NCAM2: variants seen among roughly 807,000 people sequenced by gnomAD.
NCAM2 encodes the protein N-CAM-2.
NCAM2 carries 30 observed loss-of-function variants against 98.1 expected under a neutral mutation model. That is an observed-to-expected ratio of 0.31 (90% CI 0.23 to 0.41). NCAM2 has a LOEUF of 0.41. Ranked by LOEUF, NCAM2 falls within the 10% of genes least tolerant of loss-of-function variation. The probability of loss-of-function intolerance (pLI) is 1.00; values close to 1 mark genes in which losing one functional copy is unlikely to be tolerated. For missense variants in NCAM2, 867 were observed against 1,005.8 expected (o/e 0.86, Z 1.87); for synonymous variants, 368 against 342.4 (o/e 1.07, Z -0.83).
intron 1 of NCAM2, among the ~76,000 whole-genome samples, chr21:21,240,214 T>C (rs2071009648): frequency 1.3e-5 from 2 of 152,176 alleles, no homozygotes; most frequent in South Asian, 4.1e-4. Context: ...CAGATTTCTT[T>C]CAGCCATTTT....
chr21:21,316,066 G>A (rs2074211248), intron 5 of NCAM2, among the ~76,000 whole-genome samples: 1 of 152,134 alleles, frequency 6.6e-6, no homozygotes, highest in South Asian at 2.1e-4. Flanking sequence ...TCACTTCAGT[G>A]TGACTTTGAA....
chr21:21,171,595 A>G (rs1465299044), intron 1 of NCAM2, among the ~76,000 whole-genome samples: 2 of 152,166 alleles, frequency 1.3e-5, no homozygotes, highest in Non-Finnish European at 2.9e-5. Flanking sequence ...ACCACCCTTG[A>G]CTGCCACAGA....
chr21:21,503,712 A>T (rs1336328019), intron 15 of NCAM2, among the ~76,000 whole-genome samples: 1 of 151,966 alleles, frequency 6.6e-6, no homozygotes, highest in Non-Finnish European at 1.5e-5. Context: ...GAAAATTTGA[A>T]TGCAATTACA....
At chr21:21,137,179 ATG>A (rs1364710664) in intron 1 of NCAM2, among the ~76,000 whole-genome samples, 8 of 152,166 alleles carry the variant, frequency 5.3e-5, no homozygotes, top group Non-Finnish European at 1.2e-4. Flanking sequence ...ATATTATAAA[ATG>A]TGTTTAACAC....
At chr21:21,309,252 G>A (rs114561527) in intron 5 of NCAM2, among the ~76,000 whole-genome samples, 1,934 of 152,082 alleles carry the variant, frequency 0.013, 43 homozygotes, top group African/African-American at 0.045. Context: ...TGTTATAAAT[G>A]TTACCTCTTT....
At chr21:21,359,607 A>G (rs1023130184) in intron 8 of NCAM2, among the ~76,000 whole-genome samples, 4 of 151,950 alleles carry the variant, frequency 2.6e-5, no homozygotes, top group South Asian at 4.1e-4. Flanking sequence ...GTAGTTTACA[A>G]TTTTATGATA....
chr21:21,357,191 T>C (rs758523478), intron 8 of NCAM2, among the ~76,000 whole-genome samples: 8 of 152,096 alleles, frequency 5.3e-5, no homozygotes, highest in African/African-American at 1.7e-4. Context: ...GTCACAAATA[T>C]AGCTTTGGCA....
intron 1 of NCAM2, among the ~76,000 whole-genome samples, chr21:21,109,415 A>G (rs751186834): frequency 1.3e-5 from 2 of 152,202 alleles, no homozygotes; most frequent in Non-Finnish European, 2.9e-5. Context: ...ACAAATATAT[A>G]CACATACTAT....
At chr21:21,104,304 T>C (rs1378009546) in intron 1 of NCAM2, among the ~76,000 whole-genome samples, 3 of 152,170 alleles carry the variant, frequency 2.0e-5, no homozygotes, top group Non-Finnish European at 4.4e-5. Flanking sequence ...TAGTGTATTG[T>C]ATATATCTGC....
At chr21:21,205,589 G>A (rs1468476655) in intron 1 of NCAM2, among the ~76,000 whole-genome samples, 1 of 151,944 alleles carries the variant, frequency 6.6e-6, no homozygotes, top group African/African-American at 2.4e-5. Flanking sequence ...TAAATTATTT[G>A]TGTTTATATA....
rs912374740 is a variant in NCAM2, at chr21:21,422,229, C to T, written c.1480+3660C>T. ...CTCAAAAACAGAAATTCAAATACTG[C>T]ATGTTCTCACTTGTAAGTGGGAGCT... On this transcript the variant is annotated intron_variant, in intron 11 of 17. Coordinates refer to ENST00000400546, the MANE Select transcript of NCAM2 (RefSeq NM_004540.5). Among the ~76,000 whole-genome samples, 11 of 152,160 alleles carry T rather than the reference C, an allele frequency of 7.2e-5. No homozygotes were observed. In the East Asian group the frequency reaches 2.1e-3, roughly 29 times the overall value.
At chr21:21,306,462 A>G (rs1285732254) in intron 5 of NCAM2, among the ~76,000 whole-genome samples, 2 of 152,288 alleles carry the variant, frequency 1.3e-5, no homozygotes, top group Admixed American at 6.5e-5. Flanking sequence ...ATTTGCTCCA[A>G]TACCTGAGTG....
At chr21:21,078,805 A>T (rs1237155512) in intron 1 of NCAM2, among the ~76,000 whole-genome samples, 1 of 152,226 alleles carries the variant, frequency 6.6e-6, no homozygotes, top group Non-Finnish European at 1.5e-5. Context: ...TCAATGATAG[A>T]TTAGATAAAG....
intron 1 of NCAM2, among the ~76,000 whole-genome samples, chr21:21,001,735 T>G (rs2064022195): frequency 6.6e-6 from 1 of 152,220 alleles, no homozygotes; most frequent in Non-Finnish European, 1.5e-5. Flanking sequence ...ATAATGCTAT[T>G]CATCTCTCTT....
intron 1 of NCAM2, among the ~76,000 whole-genome samples, chr21:21,200,439 T>C (rs2069171015): frequency 3.3e-5 from 5 of 151,182 alleles, no homozygotes; most frequent in Admixed American, 2.6e-4. Context: ...TTGAAATCTT[T>C]ATTGTATTTC....
chr21:21,282,188 C>T (rs760460561), intron 2 of NCAM2, among the ~76,000 whole-genome samples: 1 of 151,514 alleles, frequency 6.6e-6, no homozygotes. Context: ...TTAGAACACA[C>T]GAATTGTATC....
At chr21:21,475,944 CA>C (rs1312756391) in intron 14 of NCAM2, among the ~76,000 whole-genome samples, 1 of 152,082 alleles carries the variant, frequency 6.6e-6, no homozygotes, top group African/African-American at 2.4e-5. Context: ...AGTATGTTAT[CA>C]AAATTACAAT....
chr21:21,229,825 A>T (rs1036433363), intron 1 of NCAM2, among the ~76,000 whole-genome samples: 1 of 151,434 alleles, frequency 6.6e-6, no homozygotes, highest in Non-Finnish European at 1.5e-5. Flanking sequence ...CATGAACCAA[A>T]AATATATTAG....
chr21:21,366,819 C>G (rs1257402215), intron 8 of NCAM2, among the ~76,000 whole-genome samples: 1 of 152,046 alleles, frequency 6.6e-6, no homozygotes, highest in Non-Finnish European at 1.5e-5. Context: ...CCAATTCACA[C>G]GTTTTAAGTA....
Sources: gnomAD v4.1 joint callset for allele counts (sites outside exome capture counted in the v4.1 genomes callset) on GRCh38, gnomAD v4.1.1 for gene constraint, MANE v1.5 for transcripts, NCBI Gene and HGNC (gene_info 2026-07-23, HGNC 2026-07-21) for gene names.